Variants in MAP3K5 observed in about 807,000 individuals in gnomAD.
MAP3K5 encodes ASK-1.
MAP3K5 carries 56 observed loss-of-function variants against 158.7 expected under a neutral mutation model. That is an observed-to-expected ratio of 0.35 (90% CI 0.28 to 0.44). MAP3K5 has a LOEUF of 0.44. MAP3K5 is among the 20% of genes least tolerant of loss of function. The pLI is 1.00. For missense variants in MAP3K5, 1,294 were observed against 1,674.8 expected (o/e 0.77, Z 3.97); for synonymous variants, 579 against 601.7 (o/e 0.96, Z 0.55).
At chr6:136,598,236 C>A (rs752965181) in intron 21 of MAP3K5, among the ~76,000 whole-genome samples, 4 of 152,074 alleles carry the variant, frequency 2.6e-5, no homozygotes, top group Non-Finnish European at 4.4e-5. Flanking sequence ...TGCGAGAAGT[C>A]GCCTCACCTG....
At chr6:136,756,141 T>C (rs1783468213) in intron 1 of MAP3K5, among the ~76,000 whole-genome samples, 1 of 147,044 alleles carries the variant, frequency 6.8e-6, no homozygotes, top group South Asian at 2.1e-4. Flanking sequence ...ACCCCGCCTC[T>C]ACAGAAAAAA....
chr6:136,611,887 A>G (rs1470723943), intron 17 of MAP3K5, among the ~76,000 whole-genome samples: 1 of 152,212 alleles, frequency 6.6e-6, no homozygotes, highest in Non-Finnish European at 1.5e-5. Context: ...GGGTCACAAG[A>G]TTTGCAACTT....
intron 23 of MAP3K5, 88 bp from the exon 24 acceptor site, chr6:136,583,828 ATT>A: frequency 2.4e-6 from 3 of 1,247,598 alleles, no homozygotes; most frequent in Non-Finnish European, 2.2e-6. Flanking sequence ...CTGCCCCCAC[ATT>A]TTTTTTTCTT....
chr6:136,764,025 A>G (rs1000266828), intron 1 of MAP3K5, among the ~76,000 whole-genome samples: 2 of 152,176 alleles, frequency 1.3e-5, no homozygotes, highest in African/African-American at 4.8e-5. Flanking sequence ...AATAAATTTC[A>G]TTTCTCATAA....
chr6:136,664,337 G>C (rs922130991), intron 8 of MAP3K5, among the ~76,000 whole-genome samples: 1 of 151,964 alleles, frequency 6.6e-6, no homozygotes, highest in Non-Finnish European at 1.5e-5. Context: ...GGCTCCCACT[G>C]ATTCTACATT....
At chr6:136,717,395 C>T (rs1222894862) in intron 2 of MAP3K5, among the ~76,000 whole-genome samples, 1 of 152,030 alleles carries the variant, frequency 6.6e-6, no homozygotes, top group East Asian at 1.9e-4. Flanking sequence ...GAATTTGCCA[C>T]CAAAGAGAAA....
chr6:136,677,117 A>T (rs868495722), intron 7 of MAP3K5, among the ~76,000 whole-genome samples: 16 of 149,136 alleles, frequency 1.1e-4, no homozygotes, highest in Admixed American at 6.0e-4. Context: ...AGATGTTAAA[A>T]TAATGATGAT....
chr6:136,690,063 C>A (rs1780323298), intron 7 of MAP3K5, among the ~76,000 whole-genome samples: 1 of 151,814 alleles, frequency 6.6e-6, no homozygotes, highest in African/African-American at 2.4e-5. Flanking sequence ...TAAGCAACAC[C>A]CCGATATACT....
At chr6:136,765,507 C>A (rs1020630884) in intron 1 of MAP3K5, among the ~76,000 whole-genome samples, 6 of 150,850 alleles carry the variant, frequency 4.0e-5, no homozygotes, top group African/African-American at 1.2e-4. Context: ...TTATTTTTAT[C>A]TTTTTTTATT....
chr6:136,564,440 A>G (rs1773997309), intron 26 of MAP3K5, among the ~76,000 whole-genome samples: 1 of 152,238 alleles, frequency 6.6e-6, no homozygotes, highest in South Asian at 2.1e-4. Flanking sequence ...ACTGAAAGCT[A>G]GAAGAGGGAG....
rs1776870510 is a variant in MAP3K5, at chr6:136,622,867, T to C, written c.2131A>G (p.Ile711Val). Reference protein sequence around the residue: ...SNQVRIAIKEIPERDSRYSQP... With the variant: ...SNQVRIAIKEVPERDSRYSQP... The stretch of plus-strand genomic sequence containing the variant: ...CTGTACCTGCTGTCTCTCTCTGGGA[T>C]TTCCTTAATAGCAATTCTGACTTGG... The change falls in exon 15 of 30, where the codon ATC becomes GTC. Residue 711 changes from isoleucine to valine, a missense_variant. Physicochemically the swap from Ile to Val is conservative, Grantham distance 29 (BLOSUM62 3). Coordinates refer to ENST00000359015, the MANE Select transcript of MAP3K5 (RefSeq NM_005923.4). 1 of 1,613,976 alleles carries C rather than the reference T, an allele frequency of 6.2e-7. No homozygotes were observed.
chr6:136,639,884 C>T (rs774947349), intron 12 of MAP3K5, among the ~76,000 whole-genome samples: 4 of 152,196 alleles, frequency 2.6e-5, no homozygotes, highest in Non-Finnish European at 4.4e-5. Flanking sequence ...TGCAAGCACA[C>T]GTAAACTACA....
chr6:136,635,209 A>C (rs1777565956), intron 14 of MAP3K5, among the ~76,000 whole-genome samples: 1 of 151,266 alleles, frequency 6.6e-6, no homozygotes, highest in Non-Finnish European at 1.5e-5. Flanking sequence ...TCATAATTCT[A>C]TATGATTGAT....
intron 1 of MAP3K5, among the ~76,000 whole-genome samples, chr6:136,785,610 T>G (rs1185022509): frequency 6.6e-6 from 1 of 152,136 alleles, no homozygotes; most frequent in Non-Finnish European, 1.5e-5. Context: ...GGAAGAAGCC[T>G]AAAGGAAGTG....
rs532332901 is a variant in MAP3K5, at chr6:136,666,732, T to C, written c.1366+2551A>G. Among the ~76,000 whole-genome samples the C allele has an allele frequency of 7.2e-5, 11 of 152,328 alleles. No homozygotes were observed. In the East Asian group the frequency reaches 7.7e-4, roughly 11 times the overall value. On this transcript the variant is annotated intron_variant, in intron 8 of 29. Transcript: ENST00000359015. ...CTATGTTGATTAGCATAATTTACAA[T>C]TGAATAGAATCTAAGTTAGTGAGTT...
rs75450487 is a variant in MAP3K5, at chr6:136,730,868, C to G, written c.449-10279G>C. ...CTCCTCATTATATACCCAATAGAAA[C>G]ACAGATATGTGCTCATGTAATGAAT... On this transcript the variant is annotated intron_variant, in intron 1 of 29. Transcript: ENST00000359015. Among the ~76,000 whole-genome samples, 925 of 152,044 alleles carry G rather than the reference C, an allele frequency of 6.1e-3. 9 individuals are homozygous for G. Among genetic ancestry groups the G allele is most frequent in the African/African-American group, 0.021 (858 of 41,436 alleles).
At chr6:136,589,570 T>G (rs1016834096) in intron 23 of MAP3K5, among the ~76,000 whole-genome samples, 2 of 152,158 alleles carry the variant, frequency 1.3e-5, no homozygotes, top group African/African-American at 4.8e-5. Context: ...AATTCGTATG[T>G]TGAAGCCCTA....
intron 1 of MAP3K5, among the ~76,000 whole-genome samples, chr6:136,745,714 C>T (rs528540424): frequency 5.3e-5 from 8 of 152,148 alleles, no homozygotes; most frequent in Non-Finnish European, 1.2e-4. Context: ...CAAAGCCTTC[C>T]AGCTACACAC....
Position 136,694,627 on chromosome 6 carries a change from A to T in MAP3K5, c.1083-317T>A, listed in dbSNP as rs79650998. 7.0e-3 allele frequency among the ~76,000 whole-genome samples: 1,069 copies of T among 152,288 alleles called. 13 individuals are homozygous for T. The highest frequency in any genetic ancestry group is 0.025 in the African/African-American group (1,032 of 41,560). Reference sequence around the variant, plus strand: ...TGCAGGTTCAAGTTGGTGAAACGAGATTAGAGTTGTAGTCTGTGTCTTTGA... The same window carrying T: ...TGCAGGTTCAAGTTGGTGAAACGAGTTTAGAGTTGTAGTCTGTGTCTTTGA... On this transcript the variant is annotated intron_variant, in intron 6 of 29. Transcript: ENST00000359015.
Sources: allele counts gnomAD v4.1 joint callset (sites outside exome capture counted in the v4.1 genomes callset), GRCh38; gene constraint gnomAD v4.1.1; transcripts MANE v1.5; gene names NCBI Gene and HGNC (gene_info 2026-07-23, HGNC 2026-07-21).